Variants in MAGI2 observed in about 807,000 individuals in gnomAD.
MAGI2 encodes the protein membrane associated guanylate kinase, WW and PDZ domain containing 2.
MAGI2 carries 35 observed loss-of-function variants against 133.3 expected under a neutral mutation model. The observed-to-expected ratio is 0.26, with a 90% confidence interval of 0.20 to 0.35. MAGI2 has a LOEUF of 0.35. Among genes scored for constraint, MAGI2 ranks in the 10% least tolerant of loss-of-function variants. The pLI is 1.00. For synonymous variants in MAGI2, 729 were observed against 710.6 expected, an observed-to-expected ratio of 1.03 and a Z score of -0.41; for missense variants, 1,636 against 1,863.4, an observed-to-expected ratio of 0.88 and a Z score of 2.25.
At chr7:78,083,297 T>TA (rs1332081095) in intron 20 of MAGI2, among the ~76,000 whole-genome samples, 4 of 147,432 alleles carry the variant, frequency 2.7e-5, no homozygotes, top group Admixed American at 6.9e-5. Context: ...CACTCATTCT[T>TA]AGAGTATTTT....
At chr7:78,629,539 G>C (rs940257696) in intron 2 of MAGI2, among the ~76,000 whole-genome samples, 22 of 151,984 alleles carry the variant, frequency 1.4e-4, no homozygotes, top group African/African-American at 5.1e-4. Context: ...CCTTCCTTTA[G>C]TTCACCTTCA....
intron 3 of MAGI2, among the ~76,000 whole-genome samples, chr7:78,576,496 G>A (rs542487723): frequency 6.6e-6 from 1 of 151,974 alleles, no homozygotes; most frequent in East Asian, 1.9e-4. Flanking sequence ...TCCAAGGCAG[G>A]TCATATAAAC....
intron 3 of MAGI2, among the ~76,000 whole-genome samples, 185 bp downstream of exon 3, chr7:78,626,935 G>A (rs1808428038): frequency 6.6e-6 from 1 of 151,122 alleles, no homozygotes; most frequent in Non-Finnish European, 1.5e-5. Context: ...TTTTTCTCCA[G>A]GCATATTAAA....
intron 12 of MAGI2, among the ~76,000 whole-genome samples, chr7:78,186,950 G>A (rs528033124): frequency 9.2e-5 from 14 of 152,228 alleles, no homozygotes; most frequent in Middle Eastern, 6.8e-3. Flanking sequence ...TAAGAGATGG[G>A]CAGAAGACAC....
chr7:78,338,198 C>T (rs1307950306), intron 9 of MAGI2, among the ~76,000 whole-genome samples: 1 of 152,134 alleles, frequency 6.6e-6, no homozygotes, highest in East Asian at 1.9e-4. Flanking sequence ...GATCATTTTA[C>T]TCCATACTTC....
intron 2 of MAGI2, among the ~76,000 whole-genome samples, chr7:78,744,950 T>C (rs547367231): frequency 6.6e-6 from 1 of 152,330 alleles, no homozygotes; most frequent in South Asian, 2.1e-4. Flanking sequence ...CTGTTTGTAA[T>C]AATAGTTAGA....
intron 2 of MAGI2, among the ~76,000 whole-genome samples, chr7:78,667,250 C>T (rs997803534): frequency 2.0e-5 from 3 of 151,794 alleles, no homozygotes; most frequent in Non-Finnish European, 4.4e-5. Context: ...TGCCCAATCC[C>T]CTCATTATTC....
At chr7:78,921,049 C>T (rs866298188) in intron 2 of MAGI2, among the ~76,000 whole-genome samples, 17 of 152,108 alleles carry the variant, frequency 1.1e-4, no homozygotes, top group African/African-American at 4.1e-4. Context: ...GGCTGATTGT[C>T]TATTCTTGAC....
At chr7:78,690,346 A>G (rs747719791) in intron 2 of MAGI2, among the ~76,000 whole-genome samples, 1 of 152,216 alleles carries the variant, frequency 6.6e-6, no homozygotes, top group Non-Finnish European at 1.5e-5. Context: ...AATACCATGT[A>G]TGTTTCACAA....
chr7:78,911,494 G>A (rs1305220032), intron 2 of MAGI2, among the ~76,000 whole-genome samples: 1 of 152,038 alleles, frequency 6.6e-6, no homozygotes, highest in Non-Finnish European at 1.5e-5. Flanking sequence ...ATAAGAAGAT[G>A]CCATCTATGA....
chr7:78,061,857 G>T (rs1319158983), intron 21 of MAGI2, among the ~76,000 whole-genome samples: 1 of 152,188 alleles, frequency 6.6e-6, no homozygotes, highest in East Asian at 1.9e-4. Flanking sequence ...GGGGCTGACG[G>T]GTTGAATCCG....
chr7:78,537,876 T>A (rs1798086285), intron 3 of MAGI2, among the ~76,000 whole-genome samples: 1 of 152,180 alleles, frequency 6.6e-6, no homozygotes, highest in African/African-American at 2.4e-5. Context: ...ATCTTTTTGT[T>A]GTATTTGCTT....
chr7:79,214,403 CTCTCTATATATA>C (rs1410572292), intron 1 of MAGI2, among the ~76,000 whole-genome samples: 119 of 41,402 alleles, frequency 2.9e-3, no homozygotes, highest in Admixed American at 4.0e-3. Flanking sequence ...CTCTCTCTCT[CTCTCTATATATA>C]TATATATATA....
chr7:79,057,751 T>C (rs1445512870), intron 1 of MAGI2, among the ~76,000 whole-genome samples: 1 of 152,142 alleles, frequency 6.6e-6, no homozygotes, highest in Non-Finnish European at 1.5e-5. Flanking sequence ...TGGCCTCATG[T>C]GTAATTCATG....
intron 2 of MAGI2, among the ~76,000 whole-genome samples, chr7:78,639,385 T>G (rs933679268): frequency 6.6e-6 from 1 of 152,026 alleles, no homozygotes; most frequent in Non-Finnish European, 1.5e-5. Flanking sequence ...ACATACCAAA[T>G]TATCATGGAG....
chr7:79,417,214 T>C (rs1201680657), intron 1 of MAGI2, among the ~76,000 whole-genome samples: 1 of 152,154 alleles, frequency 6.6e-6, no homozygotes. Flanking sequence ...TATATCTAAT[T>C]GGTTGCATTA....
At position 78,312,306 on chromosome 7, in the gene MAGI2, A is replaced by G. The variant is rs536094456; in HGVS notation, c.1408+31472T>C. Among the ~76,000 whole-genome samples, 4 of 152,312 alleles carry G rather than the reference A, an allele frequency of 2.6e-5. No homozygotes were observed. The South Asian group carries it at 8.3e-4, about 32-fold the overall frequency. Reference sequence around the variant, plus strand: ...AAATTAGGGTCAAAATGAAATTTACATATTTTAAGAATGAACATCAAACCT... The same window carrying G: ...AAATTAGGGTCAAAATGAAATTTACGTATTTTAAGAATGAACATCAAACCT... On this transcript the variant is annotated intron_variant, in intron 9 of 21. Coordinates refer to ENST00000354212, the MANE Select transcript of MAGI2 (RefSeq NM_012301.4).
intron 10 of MAGI2, among the ~76,000 whole-genome samples, chr7:78,203,873 C>T (rs1408190216): frequency 1.3e-5 from 2 of 152,196 alleles, no homozygotes; most frequent in Non-Finnish European, 2.9e-5. Context: ...GATTCAACTC[C>T]AACTTTCCGC....
At chr7:78,618,838 A>G (rs1334472340) in intron 3 of MAGI2, 1 of 151,570 alleles carries the variant, frequency 6.6e-6, no homozygotes, top group Non-Finnish European at 1.5e-5. Context: ...AGAAGGAGAG[A>G]GTAGAGTGGT....
Sources: allele counts gnomAD v4.1 joint callset (sites outside exome capture counted in the v4.1 genomes callset), GRCh38; gene constraint gnomAD v4.1.1; transcripts MANE v1.5; gene names NCBI Gene and HGNC (gene_info 2026-07-23, HGNC 2026-07-21).